Variants in ZFAND3 observed in about 807,000 individuals in gnomAD.
ZFAND3 encodes the protein zinc finger AN1-type containing 3.
ZFAND3 carries 10 observed loss-of-function variants against 29.6 expected under a neutral mutation model. That is an observed-to-expected ratio of 0.34 (90% CI 0.21 to 0.57). The LOEUF (loss-of-function observed/expected upper bound fraction) is 0.57. Ranked by LOEUF, ZFAND3 falls within the 20% of genes least tolerant of loss-of-function variation. The pLI is 0.86. For synonymous variants in ZFAND3, 128 were observed against 112.6 expected, an observed-to-expected ratio of 1.14 and a Z score of -0.87; for missense variants, 230 against 304.5, an observed-to-expected ratio of 0.76 and a Z score of 1.82.
intron 2 of ZFAND3, among the ~76,000 whole-genome samples, chr6:38,051,656 C>T (rs1764029431): frequency 6.6e-6 from 1 of 152,204 alleles, no homozygotes; most frequent in African/African-American, 2.4e-5. Context: ...CCACAATATG[C>T]CAAACCCTAT....
chr6:37,945,090 G>C (rs1030474651), intron 2 of ZFAND3, among the ~76,000 whole-genome samples: 3 of 152,206 alleles, frequency 2.0e-5, no homozygotes, highest in Non-Finnish European at 4.4e-5. Flanking sequence ...ATGTTAATGA[G>C]CATATAATGA....
intron 2 of ZFAND3, among the ~76,000 whole-genome samples, chr6:38,035,356 C>A (rs1763638069): frequency 6.6e-6 from 1 of 152,132 alleles, no homozygotes. Flanking sequence ...AAAGGGTTCC[C>A]TCCTTATGCT....
At chr6:37,980,724 T>G (rs1261220268) in intron 2 of ZFAND3, among the ~76,000 whole-genome samples, 1 of 151,900 alleles carries the variant, frequency 6.6e-6, no homozygotes, top group Non-Finnish European at 1.5e-5. Context: ...AATGAATTTG[T>G]CAAGAGTTTT....
intron 5 of ZFAND3, among the ~76,000 whole-genome samples, chr6:38,144,171 GATATATATATATAATATATAT>G (rs1439352874): frequency 1.1e-5 from 1 of 87,340 alleles, no homozygotes; most frequent in Admixed American, 1.3e-4. Context: ...AGAAAAATGT[GATATATATATATAATATATAT>G]ATATATATAT....
intron 4 of ZFAND3, among the ~76,000 whole-genome samples, chr6:38,114,876 A>G (rs6936504): frequency 0.7 from 106,715 of 152,150 alleles, 38,060 homozygotes; most frequent in African/African-American, 0.79. Context: ...GAACATCAGT[A>G]AACAAAGCAG....
intron 1 of ZFAND3, among the ~76,000 whole-genome samples, chr6:37,860,820 G>C (rs144923459): frequency 6.6e-6 from 1 of 151,636 alleles, no homozygotes; most frequent in Non-Finnish European, 1.5e-5. Context: ...ATGGGATGTG[G>C]CTTAGTTTCT....
intron 2 of ZFAND3, among the ~76,000 whole-genome samples, chr6:37,932,266 A>T (rs1237751616): frequency 1.3e-5 from 2 of 150,922 alleles, no homozygotes; most frequent in African/African-American, 4.9e-5. Context: ...GTCTCAAAAA[A>T]AAAAAAATAA....
chr6:38,095,527 G>A (rs1027738012), intron 4 of ZFAND3, among the ~76,000 whole-genome samples: 3 of 151,582 alleles, frequency 2.0e-5, no homozygotes, highest in African/African-American at 4.9e-5. Flanking sequence ...AGCGCCTACC[G>A]GTCTTTCCTC....
intron 2 of ZFAND3, 46 bp downstream of exon 2, chr6:37,930,045 CTTTT>C: frequency 6.9e-6 from 8 of 1,163,136 alleles, no homozygotes; most frequent in South Asian, 5.0e-5. Flanking sequence ...ATTTTTCTTT[CTTTT>C]TTTTTTTTTG....
chr6:37,908,817 T>G (rs1765465705), intron 1 of ZFAND3, among the ~76,000 whole-genome samples: 1 of 152,024 alleles, frequency 6.6e-6, no homozygotes, highest in South Asian at 2.1e-4. Context: ...AGGAATGACT[T>G]TCTCTTTGTA....
At chr6:37,939,617 G>T (rs1224965455) in intron 2 of ZFAND3, among the ~76,000 whole-genome samples, 1 of 152,152 alleles carries the variant, frequency 6.6e-6, no homozygotes, top group Non-Finnish European at 1.5e-5. Flanking sequence ...GAAGAGATGT[G>T]CACTCAAATT....
At chr6:37,946,206 C>T (rs1761898729) in intron 2 of ZFAND3, among the ~76,000 whole-genome samples, 1 of 152,186 alleles carries the variant, frequency 6.6e-6, no homozygotes, top group Non-Finnish European at 1.5e-5. Context: ...TTTCAAAGTA[C>T]ACTGTAAAGG....
chr6:37,970,667 G>C (rs1331327109), intron 2 of ZFAND3, among the ~76,000 whole-genome samples: 1 of 152,192 alleles, frequency 6.6e-6, no homozygotes, highest in Non-Finnish European at 1.5e-5. Context: ...ACTTTGGGAG[G>C]CCAAGATGGG....
chr6:37,916,290 A>G (rs904861684), intron 1 of ZFAND3, among the ~76,000 whole-genome samples: 1 of 152,180 alleles, frequency 6.6e-6, no homozygotes, highest in African/African-American at 2.4e-5. Flanking sequence ...GACTTGCTCA[A>G]TGCAGGGTTT....
At chr6:37,903,704 A>T (rs1765359568) in intron 1 of ZFAND3, among the ~76,000 whole-genome samples, 1 of 152,252 alleles carries the variant, frequency 6.6e-6, no homozygotes, top group African/African-American at 2.4e-5. Flanking sequence ...TAATTTAATC[A>T]TAACTAAGGT....
chr6:37,959,492 CTGT>C (rs1762157528), intron 2 of ZFAND3, among the ~76,000 whole-genome samples: 1 of 152,124 alleles, frequency 6.6e-6, no homozygotes, highest in African/African-American at 2.4e-5. Context: ...AGCCTATTCT[CTGT>C]TGGTTGTGGT....
chr6:38,117,558 T>C (rs1765445957), intron 5 of ZFAND3, among the ~76,000 whole-genome samples: 1 of 152,220 alleles, frequency 6.6e-6, no homozygotes. Context: ...TGTACTTGTT[T>C]TTATTTCCTG....
rs138332779 is a variant in ZFAND3, at chr6:38,025,692, A to G, written c.113-35901A>G. 2.6e-5 allele frequency among the ~76,000 whole-genome samples: 4 copies of G among 152,334 alleles called. No individual in the cohort carries two copies. The East Asian group carries it at 7.7e-4, about 29-fold the overall frequency. On this transcript the variant is annotated intron_variant, in intron 2 of 5. Transcript: ENST00000287218. ...AGGGAATATTATTCAGAGATATAAA[A>G]GAATGAAGCACTGATACATGCCACA...
chr6:37,881,089 T>G (rs541554879), intron 1 of ZFAND3, among the ~76,000 whole-genome samples: 17 of 152,266 alleles, frequency 1.1e-4, no homozygotes, highest in African/African-American at 4.1e-4. Flanking sequence ...TTTGTTTTTT[T>G]GAGATGGAGT....
Sources: allele counts gnomAD v4.1 joint callset (sites outside exome capture counted in the v4.1 genomes callset), GRCh38; gene constraint gnomAD v4.1.1; transcripts MANE v1.5; gene names NCBI Gene and HGNC (gene_info 2026-07-23, HGNC 2026-07-21).